Variants in RNF149 observed in about 807,000 individuals in gnomAD.
RNF149 encodes E3 ubiquitin-protein ligase RNF149.
Under a neutral mutation model 39.0 loss-of-function variants are expected in RNF149, and 21 were observed. That is an observed-to-expected ratio of 0.54 (90% CI 0.38 to 0.77). RNF149 has a LOEUF of 0.77. Among genes scored for constraint, RNF149 ranks in the 30% least tolerant of loss-of-function variants. RNF149 has a pLI of 0.00. For missense variants in RNF149, 493 were observed against 534.9 expected (o/e 0.92, Z 0.77); for synonymous variants, 209 against 213.6 (o/e 0.98, Z 0.19).
chr2:101,289,052 T>G lies in RNF149; in HGVS notation c.784A>C (p.Ile262Leu). ...LHTVKHGEKGIDVDAENCAVC... is the reference protein window; with the variant it reads ...LHTVKHGEKGLDVDAENCAVC... ...GCACAATTTTCAGCATCAACATCAA[T>G]TCCCTGTAAAAAGAAAAGGAAAGTG... Residue 262 changes from isoleucine to leucine, a missense_variant, in exon 4 of 7, where the codon ATT becomes CTT. Physicochemically the swap from Ile to Leu is conservative, Grantham distance 5. Coordinates refer to ENST00000295317, the MANE Select transcript of RNF149 (RefSeq NM_173647.4). The G allele has an allele frequency of 6.3e-7, 1 of 1,575,580 alleles. No individual in the cohort carries two copies. Among genetic ancestry groups the G allele is most frequent in the Non-Finnish European group, 8.7e-7 (1 of 1,147,192 alleles).
At position 101,282,010 on chromosome 2, in the gene RNF149, AG is replaced by A; in HGVS notation, c.1007del (p.Pro336LeufsTer9). Reference sequence around the variant, plus strand: ...TCAAATTTGCAGCTGGATCCCTTCCAGGAGGAGATTCTGGAGCAGGCATCTC... The same window carrying A: ...TCAAATTTGCAGCTGGATCCCTTCCAGAGGAGATTCTGGAGCAGGCATCTC... ...VQEMPAPESP[P>X]GRDPAANLSL... On this transcript the variant is annotated frameshift_variant, in exon 6 of 7. Coordinates refer to ENST00000295317, the MANE Select transcript of RNF149 (RefSeq NM_173647.4). LOFTEE classifies it high-confidence loss of function. 1 of 1,614,096 alleles carries A rather than the reference AG, an allele frequency of 6.2e-7. No homozygotes were observed. Among genetic ancestry groups the A allele is most frequent in the Non-Finnish European group, 8.5e-7 (1 of 1,180,006 alleles).
At chr2:101,303,561 T>G (rs1683542706) in intron 1 of RNF149, among the ~76,000 whole-genome samples, 1 of 152,170 alleles carries the variant, frequency 6.6e-6, no homozygotes, top group Non-Finnish European at 1.5e-5. Context: ...TGCACACCCC[T>G]CTCAACATGT....
rs1682381928 is a variant in RNF149, at chr2:101,277,296, C to T, written c.1160-15G>A. On this transcript the variant is annotated splice_polypyrimidine_tract_variant and intron_variant, in intron 6 of 6. Transcript: ENST00000295317. ...CCTGCCGGCTTCTGCAAGAGAGCAA[C>T]ATAAGCTACTCCATCAGAAGAGGGC... The T allele has an allele frequency of 6.2e-7, 1 of 1,609,590 alleles. No individual in the cohort carries two copies. The highest frequency in any genetic ancestry group is 1.3e-5 in the African/African-American group (1 of 74,740).
At chr2:101,307,046 CTGGTCG>C (rs1351216092) in intron 1 of RNF149, among the ~76,000 whole-genome samples, 1 of 152,178 alleles carries the variant, frequency 6.6e-6, no homozygotes, top group Non-Finnish European at 1.5e-5. Flanking sequence ...TCTCTGTGTA[CTGGTCG>C]TTATTTTACC....
At chr2:101,299,487 A>T (rs1006238910) in intron 1 of RNF149, among the ~76,000 whole-genome samples, 8 of 152,224 alleles carry the variant, frequency 5.3e-5, no homozygotes, top group Admixed American at 5.2e-4. Flanking sequence ...AACATCTAGT[A>T]GTTAAGAAGG....
At chr2:101,278,607 G>A (rs1221344302) in intron 6 of RNF149, among the ~76,000 whole-genome samples, 2 of 152,136 alleles carry the variant, frequency 1.3e-5, no homozygotes, top group Admixed American at 6.6e-5. Flanking sequence ...TCTGAAACAT[G>A]TATACATTGT....
chr2:101,295,075 G>C lies in RNF149; in HGVS notation c.567C>G (p.Thr189=). ...CGCTGATGAACTCCTGTACATGCCG[G>C]GTGCCAACCCCTATGGTCATCGTTA... ...IPVTMTIGVG[T]RHVQEFISGQ... is the part of the protein sequence containing the mutation. The change falls in exon 2 of 7, where the codon ACC becomes ACG. Residue 189 remains threonine, a synonymous_variant. Transcript: ENST00000295317. The C allele has an allele frequency of 6.2e-7, 1 of 1,613,986 alleles. No individual in the cohort carries two copies. Among genetic ancestry groups the C allele is most frequent in the Non-Finnish European group, 8.5e-7 (1 of 1,180,010 alleles).
chr2:101,275,437 T>TC, downstream of RNF149, among the ~76,000 whole-genome samples: 2 of 80,026 alleles, frequency 2.5e-5, no homozygotes, highest in Non-Finnish European at 4.8e-5. Context: ...ATTTCTTTTT[T>TC]TTTTTTTTTT....
intron 4 of RNF149, chr2:101,286,397 C>T (rs1190152711): frequency 1.5e-5 from 6 of 408,892 alleles, no homozygotes; most frequent in East Asian, 4.1e-5. Flanking sequence ...AAAACCATGG[C>T]TTATTTATGC....
At chr2:101,308,007 G>C (rs1334111116) in intron 1 of RNF149, 122 bp downstream of exon 1, 4 of 1,459,850 alleles carry the variant, frequency 2.7e-6, no homozygotes, top group African/African-American at 3.0e-5. Context: ...AGTTCCAACA[G>C]CCAGAGGCCT....
chr2:101,277,248 G>C lies in RNF149; in HGVS notation c.1193C>G (p.Pro398Arg). The C allele has an allele frequency of 6.2e-7, 1 of 1,613,430 alleles. No individual in the cohort carries two copies. Among genetic ancestry groups the C allele is most frequent in the Non-Finnish European group, 8.5e-7 (1 of 1,179,666 alleles). ...CAGTGGGCACGTGTGCTAGGAGATG[G>C]GTCCTCCATGCCGAGAGTCACTCCT... Reference protein sequence around the residue: ...AGRSDSRHGGPIS With the variant: ...AGRSDSRHGGRIS The change falls in exon 7 of 7, where the codon CCC (proline) becomes CGC (arginine). Residue 398 changes from proline to arginine, a missense_variant. By Grantham distance (103) the Pro-to-Arg change is moderately radical (BLOSUM62 -2). Coordinates refer to ENST00000295317, the MANE Select transcript of RNF149 (RefSeq NM_173647.4).
At position 101,276,531 on chromosome 2, in the gene RNF149, C is replaced by T; in HGVS notation, c.*707G>A. ...TAACAAGGCAATGAAGAACTTAATG[C>T]TCATGTGCGATATAGAATCTTAGCT... On this transcript the variant is annotated 3_prime_UTR_variant, in exon 7 of 7. Transcript: ENST00000295317. 7 of 985,720 alleles carry T rather than the reference C, an allele frequency of 7.1e-6. No homozygotes were observed. Among genetic ancestry groups the T allele is most frequent in the Non-Finnish European group, 8.4e-6 (7 of 829,866 alleles). 61.1% of individuals were successfully genotyped at this position (985,720 alleles called of 1,614,324 possible). A position where few individuals can be genotyped will look rare whatever the true frequency, so the allele number is the denominator to read the frequency against.
Position 101,302,262 on chromosome 2 carries a change from A to G in RNF149, c.460+5867T>C, listed in dbSNP as rs116110634. ...AAAAGGCTGCTACGTGAATGAATCA[A>G]TCTGAAAAACTGGCTCATCTTTTAG... On this transcript the variant is annotated intron_variant, in intron 1 of 6. Transcript: ENST00000295317. Among the ~76,000 whole-genome samples, 648 of 152,308 alleles carry G rather than the reference A, an allele frequency of 4.3e-3. 3 individuals are homozygous for G. The highest frequency in any genetic ancestry group is 0.015 in the African/African-American group (618 of 41,560).
chr2:101,301,066 G>C (rs1450752726), intron 1 of RNF149, among the ~76,000 whole-genome samples: 3 of 152,146 alleles, frequency 2.0e-5, no homozygotes, highest in African/African-American at 7.2e-5. Flanking sequence ...AAACTCAAAA[G>C]ACTTGGGATG....
At chr2:101,306,436 T>C (rs951675323) in intron 1 of RNF149, among the ~76,000 whole-genome samples, 1 of 152,176 alleles carries the variant, frequency 6.6e-6, no homozygotes, top group African/African-American at 2.4e-5. Flanking sequence ...ACCGTGACAA[T>C]AGATTTGTAA....
intron 1 of RNF149, among the ~76,000 whole-genome samples, chr2:101,299,032 C>A (rs1303108149): frequency 6.6e-6 from 1 of 152,102 alleles, no homozygotes; most frequent in East Asian, 1.9e-4. Context: ...TAGCTCATGC[C>A]TGTAATCCCA....
downstream of RNF149, chr2:101,273,471 TG>T: frequency 1.3e-5 from 5 of 399,506 alleles, no homozygotes; most frequent in Admixed American, 3.3e-5. Flanking sequence ...TTGTAATATT[TG>T]TTTCTTTTTT....
At chr2:101,280,984 T>G (rs1188632541) in intron 6 of RNF149, among the ~76,000 whole-genome samples, 1 of 152,072 alleles carries the variant, frequency 6.6e-6, no homozygotes, top group Non-Finnish European at 1.5e-5. Flanking sequence ...CAGTGAGCTG[T>G]GTTCTCATCA....
At chr2:101,275,431 C>CTTTTTTT (rs59154104), downstream of RNF149, among the ~76,000 whole-genome samples, 31 of 26,604 alleles carry the variant, frequency 1.2e-3, 4 homozygotes, top group Admixed American at 2.1e-3. Context: ...CCTAGTATTT[C>CTTTTTTT]TTTTTTTTTT....
Sources: allele counts gnomAD v4.1 joint callset (sites outside exome capture counted in the v4.1 genomes callset), GRCh38; gene constraint gnomAD v4.1.1; transcripts MANE v1.5; gene names NCBI Gene and HGNC (gene_info 2026-07-23, HGNC 2026-07-21).